The following HSPA9 variants were observed in gnomAD, a reference collection of about 807,000 sequenced individuals.
HSPA9 encodes the protein heat shock protein family A (Hsp70) member 9, also known as stress-70 protein, mitochondrial.
A neutral mutation model predicts 81.5 loss-of-function variants in HSPA9; 28 were observed. The observed-to-expected ratio is 0.34, with a 90% CI of 0.25 to 0.47. HSPA9 has a LOEUF of 0.47. HSPA9 is among the 20% of genes least tolerant of loss of function. The probability of loss-of-function intolerance (pLI) is 1.00; values close to 1 mark genes in which losing one functional copy is unlikely to be tolerated. For missense variants in HSPA9, 678 were observed against 838.0 expected (o/e 0.81, Z 2.36); for synonymous variants, 293 against 290.4 (o/e 1.01, Z -0.09).
rs752582450 is a variant in HSPA9, at chr5:138,568,971, C to A, written c.489G>T (p.Pro163=). Residue 163 remains proline, a synonymous_variant, in exon 5 of 17, where the codon CCG becomes CCT. Transcript: ENST00000297185. ...TCAACACAAATGCTCCAATCTGACTCGGAGAATACAATTTCCCATGAGCCT... is the reference window on the plus strand; with the variant it reads ...TCAACACAAATGCTCCAATCTGACTAGGAGAATACAATTTCCCATGAGCCT... ...WVEAHGKLYS[P]SQIGAFVLMK... 1 of 1,613,924 alleles carries A rather than the reference C, an allele frequency of 6.2e-7. No homozygotes were observed. The highest frequency in any genetic ancestry group is 8.5e-7 in the Non-Finnish European group (1 of 1,179,876).
intron 10 of HSPA9, chr5:138,561,183 A>G (rs1235357339): frequency 7.1e-6 from 3 of 423,208 alleles, no homozygotes; most frequent in Non-Finnish European, 1.5e-5. Context: ...GCGGGGTATT[A>G]CCAAGGTTTT....
intron 12 of HSPA9, among the ~76,000 whole-genome samples, chr5:138,558,305 A>G (rs72805829): frequency 0.02 from 3,015 of 151,054 alleles, 110 homozygotes; most frequent in Admixed American, 0.085. Flanking sequence ...AGAAACCAGT[A>G]ACAATATCAA....
At chr5:138,574,268 A>G (rs931884213) in intron 1 of HSPA9, 142 bp from the exon 2 acceptor site, 1 of 685,830 alleles carries the variant, frequency 1.5e-6, no homozygotes, top group African/African-American at 1.8e-5. Flanking sequence ...AGTAAGACGA[A>G]AAAAGGTAAA....
At chr5:138,556,740 T>A (rs1750536257) in intron 15 of HSPA9, 34 bp downstream of exon 15, 1 of 1,580,972 alleles carries the variant, frequency 6.3e-7, no homozygotes, top group South Asian at 1.1e-5. Context: ...AAAAATGTGT[T>A]CAACCTCTTG....
At chr5:138,559,767 A>G (rs567030218) in intron 11 of HSPA9, 97 bp downstream of exon 11, 5 of 804,856 alleles carry the variant, frequency 6.2e-6, no homozygotes, top group South Asian at 5.7e-5. Flanking sequence ...ACAGATAAAA[A>G]TGAAGTTTTC....
At chr5:138,566,576 G>T in intron 9 of HSPA9, 50 bp downstream of exon 9, 2 of 1,213,738 alleles carry the variant, frequency 1.6e-6, no homozygotes, top group Non-Finnish European at 2.5e-6. Context: ...TTTTAAATAA[G>T]CTCCGGCTGA....
At chr5:138,558,175 C>G (rs1750573163) in intron 12 of HSPA9, among the ~76,000 whole-genome samples, 189 bp from the exon 13 acceptor site, 1 of 152,074 alleles carries the variant, frequency 6.6e-6, no homozygotes, top group Non-Finnish European at 1.5e-5. Context: ...GGTTTTATAC[C>G]AGTGAAGTTT....
At chr5:138,570,716 TTCAGGTGATCCACCCACCTCGGCCTC>T in intron 4 of HSPA9, 1 of 437,242 alleles carries the variant, frequency 2.3e-6, no homozygotes, top group Non-Finnish European at 4.3e-6. Flanking sequence ...AACTCCTGAC[TTCAGGTGATCCACCCACCTCGGCCTC>T]CCAAAGTGCT....
rs1433447390 is a variant in HSPA9, at chr5:138,573,991, AAT to A, written c.140+75_140+76del. On this transcript the variant is annotated intron_variant, in intron 2 of 16. Transcript: ENST00000297185. ...ATACAGATAAATAATTACAGAGAAGAATAATCACAAATGTAGAAAACACTGCT... is the reference window on the plus strand; with the variant it reads ...ATACAGATAAATAATTACAGAGAAGAAATCACAAATGTAGAAAACACTGCT... 3.7e-5 allele frequency: 48 copies of A among 1,293,416 alleles called. No homozygotes were observed. The African/African-American group carries it at 6.3e-4, about 17-fold the overall frequency. The allele number at this position is 1,293,416 out of a possible 1,614,324, so 80.1% of individuals were successfully genotyped here.
chr5:138,556,217 T>C (rs1194131606), intron 16 of HSPA9, 103 bp from the exon 17 acceptor site: 1 of 1,066,646 alleles, frequency 9.4e-7, no homozygotes, highest in East Asian at 2.4e-5. Context: ...TCCTCATCAT[T>C]CATTTCTATT....
In HSPA9 at chr5:138,555,735, T is replaced by A; in HGVS notation, c.*302A>T. The A allele has an allele frequency of 9.7e-6, 4 of 410,494 alleles. No homozygotes were observed. Among genetic ancestry groups the A allele is most frequent in the Non-Finnish European group, 1.8e-5 (4 of 220,916 alleles). The allele number at this position is 410,494 out of a possible 1,614,324, so 25.4% of individuals were successfully genotyped here. On this transcript the variant is annotated 3_prime_UTR_variant, in exon 17 of 17. Transcript: ENST00000297185. ...GAGATGGTTTCACCCCTTGAAAATATGGTCACTTCAGCATAAAATAGTTAA... is the reference window on the plus strand; with the variant it reads ...GAGATGGTTTCACCCCTTGAAAATAAGGTCACTTCAGCATAAAATAGTTAA...
intron 7 of HSPA9, 80 bp downstream of exon 7, chr5:138,567,375 G>T: frequency 8.5e-7 from 1 of 1,177,122 alleles, no homozygotes; most frequent in Non-Finnish European, 1.3e-6. Context: ...TAAAAGCACT[G>T]TAAAAGGCTC....
rs528473566 is a variant in HSPA9 at position 138,557,082 on chromosome 5, A to C, written c.1729-216T>G. 7.8e-5 allele frequency: 48 copies of C among 618,150 alleles called. 1 individual carries two copies. Among genetic ancestry groups the C allele is most frequent in the Middle Eastern group, 4.3e-4 (1 of 2,330 alleles). 38.3% of individuals were successfully genotyped at this position (618,150 alleles called of 1,614,324 possible). ...GAATTGTGACAGGGAAAACAGAAGAAATAATAAAGGCACTGCAAACATAAG... is the reference window on the plus strand; with the variant it reads ...GAATTGTGACAGGGAAAACAGAAGACATAATAAAGGCACTGCAAACATAAG... On this transcript the variant is annotated intron_variant, in intron 14 of 16. Coordinates refer to ENST00000297185, the MANE Select transcript of HSPA9 (RefSeq NM_004134.7).
chr5:138,558,665 A>G lies in HSPA9; in HGVS notation c.1411-8T>C, dbSNP rs776741904. The G allele has an allele frequency of 6.4e-7, 1 of 1,560,554 alleles. No homozygotes were observed. The highest frequency in any genetic ancestry group is 1.4e-5 in the African/African-American group (1 of 73,976). Reference sequence around the variant, plus strand: ...AGCGGCAGTAGAGAATACCTAGGGAAGAAGAAACCCTCCTGGGTTGTCAAT... The same window carrying G: ...AGCGGCAGTAGAGAATACCTAGGGAGGAAGAAACCCTCCTGGGTTGTCAAT... On this transcript the variant is annotated splice_polypyrimidine_tract_variant and splice_region_variant and intron_variant, in intron 11 of 16. Transcript: ENST00000297185.
intron 9 of HSPA9, among the ~76,000 whole-genome samples, chr5:138,564,294 C>T (rs1265722718): frequency 6.6e-6 from 1 of 152,050 alleles, no homozygotes; most frequent in Non-Finnish European, 1.5e-5. Context: ...AGTAGAGACA[C>T]GGTTTCACCG....
chr5:138,569,074 G>A (rs754541874), intron 4 of HSPA9, 25 bp from the exon 5 acceptor site: 34 of 1,611,182 alleles, frequency 2.1e-5, no homozygotes, highest in Middle Eastern at 1.6e-4. Context: ...AATTCTATTA[G>A]AGAAAACTAC....
intron 12 of HSPA9, 122 bp from the exon 13 acceptor site, chr5:138,558,108 A>G (rs561206244): frequency 5.3e-6 from 4 of 758,110 alleles, no homozygotes; most frequent in Middle Eastern, 3.4e-4. Context: ...AAGTGATTTA[A>G]TGTACAAAAC....
chr5:138,571,960 C>T (rs867279234), intron 3 of HSPA9, among the ~76,000 whole-genome samples: 30 of 100,452 alleles, frequency 3.0e-4, no homozygotes, highest in Admixed American at 5.2e-4. Context: ...CTGCGCCTGG[C>T]TTTTTTTTTT....
intron 10 of HSPA9, among the ~76,000 whole-genome samples, 186 bp from the exon 11 acceptor site, chr5:138,560,277 T>C (rs1446672125): frequency 2.0e-5 from 3 of 152,224 alleles, no homozygotes; most frequent in South Asian, 2.1e-4. Context: ...ACTCATACAC[T>C]TTATACCTAT....
Sources: allele counts gnomAD v4.1 joint callset (sites outside exome capture counted in the v4.1 genomes callset), GRCh38; gene constraint gnomAD v4.1.1; transcripts MANE v1.5; gene names NCBI Gene and HGNC (gene_info 2026-07-23, HGNC 2026-07-21).